FOXN3: variants seen among roughly 807,000 people sequenced by gnomAD.
FOXN3 encodes the protein forkhead box N3.
In FOXN3, 7 loss-of-function variants were observed where a neutral mutation model predicts 38.4. That is an observed-to-expected ratio of 0.18 (90% CI 0.10 to 0.34). FOXN3 has a LOEUF of 0.34. FOXN3 is among the 10% of genes least tolerant of loss of function. The pLI, the probability that FOXN3 is intolerant of heterozygous loss-of-function variation, is 1.00. For synonymous variants in FOXN3, 230 were observed against 242.2 expected (o/e 0.95, Z 0.47); for missense variants, 456 against 613.4 (o/e 0.74, Z 2.71).
Position 89,350,696 on chromosome 14 carries a change from G to A in FOXN3, c.656C>T (p.Pro219Leu). 1.3e-6 allele frequency: 2 copies of A among 1,577,522 alleles called. No homozygotes were observed. Among genetic ancestry groups the A allele is most frequent in the South Asian group, 1.2e-5 (1 of 84,958 alleles). ...HPHPHVFNTP[P>L]TCPQAYQSTS... Reference sequence around the variant, plus strand: ...CCTTTGATATGCCTGAGGACAGGTGGGAGGTGTATTGAACACGTGTGGGTG... The same window carrying A: ...CCTTTGATATGCCTGAGGACAGGTGAGAGGTGTATTGAACACGTGTGGGTG... The change falls in exon 3 of 6, where the codon CCC (proline) becomes CTC (leucine). Residue 219 changes from proline to leucine, a missense_variant. This residue lies in a region of FOXN3 where 386 missense variants were observed against 505.2 expected (regional missense o/e 0.76). Coordinates refer to ENST00000557258, the MANE Select transcript of FOXN3 (RefSeq NM_005197.4).
intron 3 of FOXN3, among the ~76,000 whole-genome samples, chr14:89,303,496 TA>T (rs35251843): frequency 7.8e-5 from 9 of 114,958 alleles, no homozygotes; most frequent in South Asian, 3.1e-4. Context: ...AAACATCTGC[TA>T]AAAAAAAAAA....
intron 1 of FOXN3, among the ~76,000 whole-genome samples, chr14:89,474,677 T>TCTGTG (rs1258162063): frequency 6.6e-6 from 1 of 152,160 alleles, no homozygotes; most frequent in African/African-American, 2.4e-5. Flanking sequence ...TTTTGTTCAG[T>TCTGTG]TGAACACACA....
chr14:89,210,758 A>G (rs895591026), intron 4 of FOXN3, among the ~76,000 whole-genome samples: 2 of 152,224 alleles, frequency 1.3e-5, no homozygotes, highest in Non-Finnish European at 2.9e-5. Context: ...AAGGGTTAAA[A>G]ACAGAGGTGC....
intron 1 of FOXN3, among the ~76,000 whole-genome samples, chr14:89,495,058 A>C (rs182681723): frequency 1.6e-3 from 249 of 152,334 alleles, no homozygotes; most frequent in Non-Finnish European, 2.3e-3. Flanking sequence ...CTCATTATTC[A>C]ACTGGTAAGC....
chr14:89,589,792 G>T (rs1306494668), intron 1 of FOXN3, among the ~76,000 whole-genome samples: 1 of 152,150 alleles, frequency 6.6e-6, no homozygotes, highest in African/African-American at 2.4e-5. Context: ...CAAATTCTGA[G>T]AAGGGCTGTG....
At chr14:89,510,956 C>G (rs1207226012) in intron 1 of FOXN3, among the ~76,000 whole-genome samples, 1 of 151,822 alleles carries the variant, frequency 6.6e-6, no homozygotes, top group East Asian at 1.9e-4. Context: ...GAAAAGAAAA[C>G]AGTAACCAAA....
At chr14:89,615,524 G>A (rs191427716) in intron 1 of FOXN3, among the ~76,000 whole-genome samples, 26 of 152,250 alleles carry the variant, frequency 1.7e-4, no homozygotes, top group African/African-American at 4.6e-4. Context: ...AGCCCCTTTC[G>A]AAACGAAGTG....
At chr14:89,329,220 G>T (rs933335781) in intron 3 of FOXN3, among the ~76,000 whole-genome samples, 2 of 152,146 alleles carry the variant, frequency 1.3e-5, no homozygotes, top group African/African-American at 4.8e-5. Context: ...TAGATAGTAG[G>T]TGTTAATTTT....
chr14:89,281,130 G>A (rs918660136), intron 3 of FOXN3, 116 bp from the exon 4 acceptor site: 30 of 800,602 alleles, frequency 3.7e-5, no homozygotes, highest in Non-Finnish European at 5.4e-5. Flanking sequence ...GACACCCTTT[G>A]AAAATGCATC....
chr14:89,228,664 C>G (rs553887792), intron 4 of FOXN3, among the ~76,000 whole-genome samples: 9 of 152,202 alleles, frequency 5.9e-5, no homozygotes, highest in African/African-American at 1.7e-4. Context: ...ATAAAAAAAG[C>G]TGTAGTTTGT....
chr14:89,311,828 AAAACAAAC>A (rs992748342), intron 3 of FOXN3, among the ~76,000 whole-genome samples: 1 of 152,134 alleles, frequency 6.6e-6, no homozygotes, highest in Admixed American at 6.6e-5. Context: ...TCCGTCTCAA[AAAACAAAC>A]AAACAAACAA....
chr14:89,222,345 T>C (rs1596112524), intron 4 of FOXN3, among the ~76,000 whole-genome samples: 1 of 152,126 alleles, frequency 6.6e-6, no homozygotes, highest in African/African-American at 2.4e-5. Context: ...ACATGAAAAT[T>C]ATGCACAATT....
chr14:89,418,422 C>A (rs553823429), upstream of FOXN3, among the ~76,000 whole-genome samples: 3,200 of 128,020 alleles, frequency 0.025, 157 homozygotes, highest in Non-Finnish European at 0.04. Context: ...ACCCCCCCCC[C>A]CCAATCTGAG....
intron 3 of FOXN3, among the ~76,000 whole-genome samples, chr14:89,296,981 T>C (rs549437138): frequency 2.0e-5 from 3 of 152,302 alleles, no homozygotes; most frequent in South Asian, 4.1e-4. Context: ...GAGAAACAGC[T>C]TCAGAATTTG....
At chr14:89,477,033 G>C (rs759906641) in intron 1 of FOXN3, among the ~76,000 whole-genome samples, 1 of 152,128 alleles carries the variant, frequency 6.6e-6, no homozygotes, top group South Asian at 2.1e-4. Flanking sequence ...AGGGACAGGC[G>C]TATGTACATG....
chr14:89,450,616 C>A (rs577481321), intron 1 of FOXN3, among the ~76,000 whole-genome samples: 1 of 151,066 alleles, frequency 6.6e-6, no homozygotes, highest in African/African-American at 2.4e-5. Flanking sequence ...GACAGAGTCT[C>A]GCCCTGTCGC....
At chr14:89,354,523 G>C (rs1373097972) in intron 2 of FOXN3, among the ~76,000 whole-genome samples, 1 of 146,868 alleles carries the variant, frequency 6.8e-6, no homozygotes, top group Non-Finnish European at 1.5e-5. Flanking sequence ...CACTGCGCCC[G>C]GCCGTGGAGT....
At chr14:89,468,283 G>A (rs541981117) in intron 1 of FOXN3, among the ~76,000 whole-genome samples, 40 of 152,018 alleles carry the variant, frequency 2.6e-4, no homozygotes, top group South Asian at 8.3e-4. Context: ...GTGAAACCCC[G>A]TCTCTACTGA....
chr14:89,445,599 T>C (rs1398003236), intron 1 of FOXN3, among the ~76,000 whole-genome samples: 1 of 152,182 alleles, frequency 6.6e-6, no homozygotes, highest in Non-Finnish European at 1.5e-5. Flanking sequence ...CAAGGCAGCC[T>C]GGCTGCTGTC....
Sources: gnomAD v4.1 joint callset for allele counts (sites outside exome capture counted in the v4.1 genomes callset) on GRCh38, gnomAD v4.1.1 for gene constraint, gnomAD v4.1.1 regional missense constraint, MANE v1.5 for transcripts, NCBI Gene and HGNC (gene_info 2026-07-23, HGNC 2026-07-21) for gene names.